The following DNAH6 variants were observed in gnomAD, a reference collection of about 807,000 sequenced individuals.
The protein encoded by DNAH6 is axonemal beta dynein heavy chain 6.
DNAH6 carries 340 observed loss-of-function variants against 491.4 expected under a neutral mutation model. That is an observed-to-expected ratio of 0.69 (90% CI 0.63 to 0.76). The LOEUF is 0.76. Among genes scored for constraint, DNAH6 ranks in the 30% least tolerant of loss-of-function variants. The pLI, the probability that DNAH6 is intolerant of heterozygous loss-of-function variation, is 0.00. For synonymous variants in DNAH6, 1,603 were observed against 1,686.1 expected (o/e 0.95, Z 1.21); for missense variants, 4,443 against 4,972.2 (o/e 0.89, Z 3.20).
At chr2:84,518,187 G>C (rs944667746) in intron 2 of DNAH6, 136 bp downstream of exon 2, 3 of 657,024 alleles carry the variant, frequency 4.6e-6, no homozygotes, top group African/African-American at 3.7e-5. Context: ...AACTGCTTAT[G>C]TAGTTGTAAA....
At chr2:84,778,090 T>C (rs1050156384) in intron 64 of DNAH6, 5 of 830,654 alleles carry the variant, frequency 6.0e-6, no homozygotes, top group Non-Finnish European at 6.4e-6. Context: ...TATCTTCCAG[T>C]TAAACTGCCC....
chr2:84,669,495 A>C lies in DNAH6; in HGVS notation c.6291A>C (p.Ile2097=), dbSNP rs1277610493. Residue 2097 remains isoleucine, a synonymous_variant, in exon 38 of 77, where the codon ATA becomes ATC. Transcript: ENST00000389394. ...AGCATTCCGTGTTGTTTACTGGAAT[A>C]ACTGGAGTGGGCAAGGTAGGAAACT... ...AVKHSVLFTG[I]TGVGKSVIAK... is the part of the protein sequence containing the mutation. The C allele has an allele frequency of 1.9e-6, 3 of 1,551,754 alleles. No individual in the cohort carries two copies. The Admixed American group carries it at 5.9e-5, about 30-fold the overall frequency.
chr2:84,492,693 A>G, the DNAH6 span, among the ~76,000 whole-genome samples: 1 of 152,176 alleles, frequency 6.6e-6, no homozygotes, highest in East Asian at 1.9e-4. Flanking sequence ...TATGGGAATA[A>G]TCTTGTCATA....
rs75205983 is a variant in DNAH6 at position 84,781,250 on chromosome 2, G to A, written c.10704-243G>A. Among the ~76,000 whole-genome samples the A allele has an allele frequency of 1.8e-3, 269 of 152,248 alleles. 3 individuals are homozygous for A. The highest frequency in any genetic ancestry group is 6.1e-3 in the African/African-American group (252 of 41,542). On this transcript the variant is annotated intron_variant, in intron 64 of 76. Coordinates refer to ENST00000389394, the MANE Select transcript of DNAH6 (RefSeq NM_001370.2). ...TATCAGCACAGGTCTCTTCTCAACC[G>A]CAGGTATTGATTTGTGATCATTTGT...
At chr2:84,486,598 G>GT in the DNAH6 span, among the ~76,000 whole-genome samples, 6 of 152,228 alleles carry the variant, frequency 3.9e-5, no homozygotes, top group Non-Finnish European at 5.9e-5. Context: ...CCAAAGGCAA[G>GT]TGACTAGAGT....
At chr2:84,772,805 A>T (rs995391555) in intron 64 of DNAH6, among the ~76,000 whole-genome samples, 1 of 152,068 alleles carries the variant, frequency 6.6e-6, no homozygotes, top group Admixed American at 6.5e-5. Context: ...GATTTGGCAG[A>T]TGTATATAGA....
intron 23 of DNAH6, among the ~76,000 whole-genome samples, chr2:84,618,785 T>G (rs1687122412): frequency 6.6e-6 from 1 of 152,156 alleles, no homozygotes; most frequent in Admixed American, 6.6e-5. Context: ...GCATTTAGAA[T>G]ATTTTTGGTT....
chr2:84,477,562 C>T, the DNAH6 span, among the ~76,000 whole-genome samples: 6 of 152,190 alleles, frequency 3.9e-5, no homozygotes, highest in African/African-American at 1.2e-4. Context: ...AGCACCTAAG[C>T]TCTCATGGTT....
intron 21 of DNAH6, among the ~76,000 whole-genome samples, chr2:84,610,416 G>A (rs1469396506): frequency 6.6e-6 from 1 of 152,132 alleles, no homozygotes; most frequent in Non-Finnish European, 1.5e-5. Flanking sequence ...GGATTACACA[G>A]GGATGTGAAT....
At chr2:84,756,541 G>T (rs1674044923) in intron 63 of DNAH6, among the ~76,000 whole-genome samples, 1 of 152,174 alleles carries the variant, frequency 6.6e-6, no homozygotes, top group Admixed American at 6.5e-5. Flanking sequence ...ATTTCAGTAG[G>T]TCACCCAGGA....
In DNAH6 at chr2:84,755,065, C is replaced by A. The variant is rs185561114; in HGVS notation, c.10513-7690C>A. Reference sequence around the variant, plus strand: ...ATACTATTGTAAATTGAATTGCTTTCTTAATTTTTGCTATGATTTAAATGT... The same window carrying A: ...ATACTATTGTAAATTGAATTGCTTTATTAATTTTTGCTATGATTTAAATGT... On this transcript the variant is annotated intron_variant, in intron 63 of 76. Coordinates refer to ENST00000389394, the MANE Select transcript of DNAH6 (RefSeq NM_001370.2). 2.0e-5 allele frequency among the ~76,000 whole-genome samples: 3 copies of A among 152,250 alleles called. No individual in the cohort carries two copies. In the East Asian group the frequency reaches 5.8e-4, roughly 29 times the overall value.
intron 4 of DNAH6, among the ~76,000 whole-genome samples, chr2:84,529,614 A>ACACT (rs1676960566): frequency 6.6e-6 from 1 of 152,180 alleles, no homozygotes; most frequent in Non-Finnish European, 1.5e-5. Context: ...TAATATCCAC[A>ACACT]CACTTTCTGT....
chr2:84,668,401 A>T (rs1692380521), intron 37 of DNAH6, among the ~76,000 whole-genome samples: 1 of 152,180 alleles, frequency 6.6e-6, no homozygotes, highest in Non-Finnish European at 1.5e-5. Context: ...CTGTCAAATG[A>T]CCTTGGAGCA....
chr2:84,815,736 T>C (rs1680425178), intron 75 of DNAH6, 125 bp from the exon 76 acceptor site: 5 of 696,342 alleles, frequency 7.2e-6, no homozygotes, highest in Admixed American at 3.1e-5. Flanking sequence ...AAAATGTGAA[T>C]AATAACAGCA....
At chr2:84,630,305 A>G (rs1688283433) in intron 29 of DNAH6, among the ~76,000 whole-genome samples, 1 of 152,226 alleles carries the variant, frequency 6.6e-6, no homozygotes, top group Non-Finnish European at 1.5e-5. Flanking sequence ...GAATCAGACT[A>G]GTAATCCATC....
At chr2:84,638,672 C>T (rs1368794037) in intron 31 of DNAH6, among the ~76,000 whole-genome samples, 1 of 152,066 alleles carries the variant, frequency 6.6e-6, no homozygotes, top group Admixed American at 6.6e-5. Context: ...AAAATTACAA[C>T]CTATATTAGG....
rs1458409502 is a variant in DNAH6, at chr2:84,611,752, C to T, written c.3373C>T (p.Pro1125Ser). The change falls in exon 22 of 77, where the codon CCT (proline) becomes TCT (serine). Residue 1125 changes from proline (P) to serine (S), a missense_variant. Around this residue, in one of 3 missense-constraint regions of DNAH6, gnomAD observed 2,977 missense variants for 3,296.6 expected, o/e 0.90. Coordinates refer to ENST00000389394, the MANE Select transcript of DNAH6 (RefSeq NM_001370.2). ...FNAPDIQRQL[P>S]AEAKMFLQVD... ...TGCTCCAGACATTCAGAGGCAATTGCCTGCAGAGGCCAAGATGTTCCTTCA... is the reference window on the plus strand; with the variant it reads ...TGCTCCAGACATTCAGAGGCAATTGTCTGCAGAGGCCAAGATGTTCCTTCA... 7.1e-6 allele frequency: 11 copies of T among 1,551,082 alleles called. No individual in the cohort carries two copies. The highest frequency in any genetic ancestry group is 9.6e-6 in the Non-Finnish European group (11 of 1,146,660).
chr2:84,764,992 C>G (rs933557120), intron 64 of DNAH6, among the ~76,000 whole-genome samples: 1 of 135,938 alleles, frequency 7.4e-6, no homozygotes, highest in Non-Finnish European at 1.6e-5. Flanking sequence ...ATATAATACA[C>G]TATGGCCATG....
chr2:84,653,820 C>T lies in DNAH6; in HGVS notation c.5580C>T (p.Cys1860=). 1.3e-6 allele frequency: 2 copies of T among 1,551,340 alleles called. No homozygotes were observed. The highest frequency in any genetic ancestry group is 1.2e-5 in the South Asian group (1 of 84,012). Residue 1860 remains cysteine (C), a synonymous_variant, in exon 34 of 77, where the codon TGC becomes TGT. Transcript: ENST00000389394. ...TGCTGGATGATAACAAGATGCTTTG[C>T]CTGGCTAACAGTGAGAGGATTAAAC... ...NTVLDDNKML[C]LANSERIKLT...
Sources: gnomAD v4.1 joint callset for allele counts (sites outside exome capture counted in the v4.1 genomes callset) on GRCh38, gnomAD v4.1.1 for gene constraint, gnomAD v4.1.1 regional missense constraint, MANE v1.5 for transcripts, NCBI Gene and HGNC (gene_info 2026-07-23, HGNC 2026-07-21) for gene names.